Variants in GATA4 observed in about 807,000 individuals in gnomAD.
GATA4 encodes GATA binding protein 4.
A neutral mutation model predicts 37.9 loss-of-function variants in GATA4; 7 were observed. The observed-to-expected ratio is 0.18, with a 90% CI of 0.11 to 0.35. The LOEUF (loss-of-function observed/expected upper bound fraction) is 0.35. Ranked by LOEUF, GATA4 falls within the 10% of genes least tolerant of loss-of-function variation. The pLI is 1.00. For missense variants in GATA4, 647 were observed against 653.0 expected (o/e 0.99, Z 0.10); for synonymous variants, 372 against 292.6 (o/e 1.27, Z -2.77).
chr8:11,693,070 C>T (rs1302423769), intron 1 of GATA4: 21 of 985,370 alleles, frequency 2.1e-5, no homozygotes, highest in Non-Finnish European at 2.4e-5. Flanking sequence ...CAGCGTTTTT[C>T]TACCCGGCAA....
At chr8:11,735,192 A>G (rs1312634338) in intron 2 of GATA4, among the ~76,000 whole-genome samples, 2 of 152,248 alleles carry the variant, frequency 1.3e-5, no homozygotes, top group Non-Finnish European at 2.9e-5. Context: ...AGTGTTTGCT[A>G]TATATTTTTT....
intron 1 of GATA4, among the ~76,000 whole-genome samples, chr8:11,679,176 T>C (rs1227440202): frequency 7.2e-5 from 3 of 41,712 alleles, no homozygotes; most frequent in Admixed American, 3.2e-4. Flanking sequence ...ATCCGAATAA[T>C]TGCGGGGGGG....
In GATA4 at chr8:11,683,284, C is replaced by A. The variant is rs527330837; in HGVS notation, c.-274+6221C>A. Among the ~76,000 whole-genome samples, 4 of 152,280 alleles carry A rather than the reference C, an allele frequency of 2.6e-5. No individual in the cohort carries two copies. The South Asian group carries it at 8.3e-4, about 32-fold the overall frequency. On this transcript the variant is annotated intron_variant, in intron 1 of 6. Transcript: ENST00000528712. ...CTGGCCCTGGGAGGCGCAGAGCTGC[C>A]CCACAGGTGGCAGGGGGATTAATCA...
Position 11,756,953 on chromosome 8 carries a change from G to A in GATA4, c.1019G>A (p.Ser340Asn). The A allele has an allele frequency of 6.2e-7, 1 of 1,614,222 alleles. No homozygotes were observed. The highest frequency in any genetic ancestry group is 8.5e-7 in the Non-Finnish European group (1 of 1,180,050). ...ATTCCAGCTCCTTCAGGCAGTGAGA[G>A]CCTTCCTCCCGCCAGCGGTGCTTCC... ...KTPAAPSGSE[S>N]LPPASGASSN... The change falls in exon 6 of 7, where the codon AGC becomes AAC. Residue 340 changes from serine (S) to asparagine (N), a missense_variant. This residue lies in a region of GATA4 where 184 missense variants were observed against 157.1 expected (regional missense o/e 1.17). Transcript: ENST00000532059.
chr8:11,732,412 C>T (rs28488522), intron 2 of GATA4, among the ~76,000 whole-genome samples: 10,727 of 152,198 alleles, frequency 0.07, 1,083 homozygotes, highest in African/African-American at 0.23. Context: ...AGAGAAGCTC[C>T]GTTTCATCTA....
chr8:11,690,742 G>A (rs956536997), upstream of GATA4, among the ~76,000 whole-genome samples: 5 of 152,092 alleles, frequency 3.3e-5, no homozygotes, highest in Admixed American at 6.5e-5. Flanking sequence ...CTGGTGGTGC[G>A]CACCTGTACT....
chr8:11,687,134 G>T (rs952510991), intron 1 of GATA4, among the ~76,000 whole-genome samples: 12 of 152,188 alleles, frequency 7.9e-5, no homozygotes, highest in African/African-American at 2.9e-4. Context: ...GATGTGAGAA[G>T]TGAGGAGGAC....
chr8:11,730,681 G>A (rs1801162261), intron 2 of GATA4, among the ~76,000 whole-genome samples: 1 of 152,210 alleles, frequency 6.6e-6, no homozygotes, highest in South Asian at 2.1e-4. Flanking sequence ...TAGCACTGAG[G>A]CCCAGCCAAC....
chr8:11,705,661 GA>G lies in GATA4; in HGVS notation c.-458+1358del, dbSNP rs528474970. On this transcript the variant is annotated intron_variant, in intron 1 of 6. Coordinates refer to ENST00000532059, the MANE Select transcript of GATA4 (RefSeq NM_001308093.3). ...CAGGCTCAATTTCAACAACCAGCCA[GA>G]GGCGTTTTCCAAGAGCAGCTAATTC... Among the ~76,000 whole-genome samples, 470 of 152,360 alleles carry G rather than the reference GA, an allele frequency of 3.1e-3. 2 individuals are homozygous for G. Among genetic ancestry groups the G allele is most frequent in the African/African-American group, 0.011 (460 of 41,594 alleles).
At chr8:11,711,862 A>G (rs570029345) in intron 2 of GATA4, among the ~76,000 whole-genome samples, 10 of 152,036 alleles carry the variant, frequency 6.6e-5, no homozygotes, top group African/African-American at 1.9e-4. Flanking sequence ...CCAGCATCAC[A>G]TAGTAGCTGA....
intron 2 of GATA4, among the ~76,000 whole-genome samples, chr8:11,728,853 G>GGA (rs1801068397): frequency 6.6e-6 from 1 of 152,172 alleles, no homozygotes; most frequent in Non-Finnish European, 1.5e-5. Flanking sequence ...CCAACTTACT[G>GGA]TCTATAATTT....
upstream of GATA4, among the ~76,000 whole-genome samples, chr8:11,688,729 G>A (rs1474354665): frequency 6.6e-6 from 1 of 152,192 alleles, no homozygotes; most frequent in Non-Finnish European, 1.5e-5. Flanking sequence ...CTTCTCCCCA[G>A]TGACATATCT....
At chr8:11,753,839 C>T (rs1017641445) in intron 4 of GATA4, among the ~76,000 whole-genome samples, 1 of 152,158 alleles carries the variant, frequency 6.6e-6, no homozygotes, top group South Asian at 2.1e-4. Context: ...TTTATCAATC[C>T]CACATGGTAG....
chr8:11,755,987 CTATT>C (rs766487168), intron 5 of GATA4, among the ~76,000 whole-genome samples: 21 of 149,684 alleles, frequency 1.4e-4, no homozygotes, highest in South Asian at 4.2e-4. Flanking sequence ...AATATATTAA[CTATT>C]TATTAAATTT....
chr8:11,694,012 G>A (rs1420609175), intron 1 of GATA4, among the ~76,000 whole-genome samples: 2 of 152,164 alleles, frequency 1.3e-5, no homozygotes, highest in Non-Finnish European at 2.9e-5. Context: ...AAAGCAATGT[G>A]TTCCTTGAAT....
chr8:11,698,057 TCTC>T (rs1799559970), intron 1 of GATA4: 1 of 973,136 alleles, frequency 1.0e-6, no homozygotes. Context: ...TCGGGTTCTC[TCTC>T]CTCCCACCCA....
At chr8:11,734,082 C>T (rs933057417) in intron 2 of GATA4, among the ~76,000 whole-genome samples, 1 of 152,160 alleles carries the variant, frequency 6.6e-6, no homozygotes, top group Non-Finnish European at 1.5e-5. Context: ...TTGTTTGTTA[C>T]AGCATAACAG....
rs563131976 is a variant in GATA4, at chr8:11,754,966, G to A, written c.913-80G>A. 312 of 1,131,612 alleles carry A rather than the reference G, an allele frequency of 2.8e-4. 1 individual carries two copies. Among genetic ancestry groups the A allele is most frequent in the African/African-American group, 2.4e-3 (156 of 65,276 alleles). 70.1% of individuals were successfully genotyped at this position (1,131,612 alleles called of 1,614,324 possible). A position where few individuals can be genotyped will look rare whatever the true frequency, so the allele number is the denominator to read the frequency against. Reference sequence around the variant, plus strand: ...GAGATTGCTTAGGTGTTGCCTTCTCGCAGCAGGTGTGTGTCTTTCAATGCT... The same window carrying A: ...GAGATTGCTTAGGTGTTGCCTTCTCACAGCAGGTGTGTGTCTTTCAATGCT... On this transcript the variant is annotated intron_variant, in intron 4 of 6. Coordinates refer to ENST00000532059, the MANE Select transcript of GATA4 (RefSeq NM_001308093.3).
chr8:11,734,714 T>A (rs535319960), intron 2 of GATA4, among the ~76,000 whole-genome samples: 1 of 152,294 alleles, frequency 6.6e-6, no homozygotes, highest in Non-Finnish European at 1.5e-5. Context: ...GGTCTCGAAC[T>A]CTTGACCTCA....
Sources: allele counts gnomAD v4.1 joint callset (sites outside exome capture counted in the v4.1 genomes callset), GRCh38; gene constraint gnomAD v4.1.1; regional missense constraint gnomAD v4.1.1; transcripts MANE v1.5; gene names NCBI Gene and HGNC (gene_info 2026-07-23, HGNC 2026-07-21).